LHFPL3: variants seen among roughly 807,000 people sequenced by gnomAD.
LHFPL3 encodes LHFPL tetraspan subfamily member 3.
In LHFPL3, 5 loss-of-function variants were observed where a neutral mutation model predicts 19.3. The observed-to-expected ratio is 0.26, with a 90% CI of 0.14 to 0.54. The LOEUF (loss-of-function observed/expected upper bound fraction) is 0.54, where lower values mean the gene tolerates loss of function less well. Among genes scored for constraint, LHFPL3 ranks in the 20% least tolerant of loss-of-function variants. The probability of loss-of-function intolerance (pLI) is 0.94; values close to 1 mark genes in which losing one functional copy is unlikely to be tolerated. For synonymous variants in LHFPL3, 133 were observed against 126.2 expected, an observed-to-expected ratio of 1.05 and a Z score of -0.36; for missense variants, 249 against 307.4, an observed-to-expected ratio of 0.81 and a Z score of 1.42.
At chr7:104,775,646 A>G (rs568918180) in intron 2 of LHFPL3, among the ~76,000 whole-genome samples, 20 of 152,328 alleles carry the variant, frequency 1.3e-4, no homozygotes, top group African/African-American at 4.1e-4. Context: ...ACTGAAGAAA[A>G]TGATTTAAAA....
At chr7:104,412,885 T>G (rs1791557944) in intron 1 of LHFPL3, among the ~76,000 whole-genome samples, 1 of 152,180 alleles carries the variant, frequency 6.6e-6, no homozygotes, top group Non-Finnish European at 1.5e-5. Flanking sequence ...CTTTCACTAG[T>G]GAGTACCATA....
At chr7:104,827,081 G>T (rs1250428850) in intron 2 of LHFPL3, among the ~76,000 whole-genome samples, 1 of 151,916 alleles carries the variant, frequency 6.6e-6, no homozygotes, top group African/African-American at 2.4e-5. Flanking sequence ...CTAGAACTTT[G>T]ATTATCGTTT....
At chr7:104,625,789 C>T (rs1439644939) in intron 1 of LHFPL3, among the ~76,000 whole-genome samples, 1 of 152,164 alleles carries the variant, frequency 6.6e-6, no homozygotes, top group Admixed American at 6.6e-5. Context: ...AATTTTTTAA[C>T]TCTTCCTTGG....
chr7:104,785,556 A>T (rs1319350008), intron 2 of LHFPL3, among the ~76,000 whole-genome samples: 2 of 152,328 alleles, frequency 1.3e-5, no homozygotes, highest in East Asian at 3.9e-4. Context: ...AAGTTCTCCA[A>T]TGGGAATAAA....
At chr7:104,628,851 T>C (rs1328489240) in intron 1 of LHFPL3, among the ~76,000 whole-genome samples, 1 of 152,234 alleles carries the variant, frequency 6.6e-6, no homozygotes, top group East Asian at 1.9e-4. Flanking sequence ...ATTTAGGCTA[T>C]AATTTTTGGA....
chr7:104,668,460 C>G (rs567548537), intron 1 of LHFPL3: 1 of 1,611,560 alleles, frequency 6.2e-7, no homozygotes, highest in Non-Finnish European at 8.5e-7. Flanking sequence ...GGATGGGTAT[C>G]GGGATGGCCC....
intron 1 of LHFPL3, among the ~76,000 whole-genome samples, chr7:104,610,448 A>G (rs1791191108): frequency 6.6e-6 from 1 of 152,124 alleles, no homozygotes; most frequent in African/African-American, 2.4e-5. Context: ...TGGCTTACAC[A>G]ATCATGGAGG....
At chr7:104,500,073 T>G (rs41026) in intron 1 of LHFPL3, among the ~76,000 whole-genome samples, 25,219 of 152,138 alleles carry the variant, frequency 0.17, 4,489 homozygotes, top group African/African-American at 0.45. Context: ...TGATGTGATG[T>G]CTGTTTCCAG....
intron 2 of LHFPL3, among the ~76,000 whole-genome samples, chr7:104,755,732 G>A (rs768894571): frequency 2.6e-5 from 4 of 152,194 alleles, no homozygotes; most frequent in Non-Finnish European, 5.9e-5. Flanking sequence ...TTTCACTCTT[G>A]TTGCCCAGGC....
intron 1 of LHFPL3, among the ~76,000 whole-genome samples, chr7:104,631,076 G>A (rs1175133312): frequency 3.3e-5 from 5 of 152,078 alleles, no homozygotes; most frequent in African/African-American, 1.2e-4. Flanking sequence ...TCACAAGAAG[G>A]TGTCTGATCT....
intron 1 of LHFPL3, among the ~76,000 whole-genome samples, chr7:104,441,366 A>AATAT (rs1792220731): frequency 6.6e-6 from 1 of 152,158 alleles, no homozygotes; most frequent in Non-Finnish European, 1.5e-5. Context: ...CATTTAGCAT[A>AATAT]ATATCCTTCA....
chr7:104,705,916 A>T (rs1244217191), intron 1 of LHFPL3, among the ~76,000 whole-genome samples: 1 of 151,704 alleles, frequency 6.6e-6, no homozygotes, highest in Non-Finnish European at 1.5e-5. Context: ...TACTTGTCAG[A>T]CCCCCTCCAG....
chr7:104,559,890 AG>A (rs776030921), intron 1 of LHFPL3, among the ~76,000 whole-genome samples: 1 of 135,418 alleles, frequency 7.4e-6, no homozygotes, highest in African/African-American at 3.5e-5. Context: ...TTTAGCATGA[AG>A]GTTGTTGAAT....
chr7:104,489,834 T>C (rs914497703), intron 1 of LHFPL3, among the ~76,000 whole-genome samples: 2 of 152,206 alleles, frequency 1.3e-5, no homozygotes, highest in African/African-American at 4.8e-5. Flanking sequence ...GGAAGTTTTG[T>C]GGAGGATCAG....
chr7:104,769,485 T>C (rs934616782), intron 2 of LHFPL3, among the ~76,000 whole-genome samples: 16 of 152,190 alleles, frequency 1.1e-4, no homozygotes, highest in Admixed American at 2.6e-4. Flanking sequence ...ATACTTTAAG[T>C]TCTGGGGTAC....
intron 2 of LHFPL3, among the ~76,000 whole-genome samples, chr7:104,902,960 T>G (rs902659117): frequency 6.6e-6 from 1 of 152,136 alleles, no homozygotes; most frequent in African/African-American, 2.4e-5. Context: ...GAGAAAGTTT[T>G]GTGAAACTGG....
rs115737872 is a variant in LHFPL3 at position 104,765,699 on chromosome 7, G to A, written c.682+28788G>A. ...ATTCTAACTTTCTGCAAGATACTCC[G>A]TTGTTTCTCCCATGATGACCTTGTA... is the stretch of plus-strand genomic sequence containing the variant. On this transcript the variant is annotated intron_variant, in intron 2 of 2. Coordinates refer to ENST00000424859, the MANE Select transcript of LHFPL3 (RefSeq NM_199000.3). 8.0e-3 allele frequency among the ~76,000 whole-genome samples: 1,212 copies of A among 152,310 alleles called. 16 individuals are homozygous for A. The highest frequency in any genetic ancestry group is 0.027 in the African/African-American group (1,122 of 41,554).
intron 1 of LHFPL3, among the ~76,000 whole-genome samples, chr7:104,398,749 G>T (rs1182129831): frequency 6.6e-6 from 1 of 152,134 alleles, no homozygotes; most frequent in Admixed American, 6.6e-5. Context: ...GAGCTACCTG[G>T]ACAGCTGCCG....
At chr7:104,668,457 T>C (rs1792403427) in intron 1 of LHFPL3, 11 of 1,611,494 alleles carry the variant, frequency 6.8e-6, no homozygotes, top group Non-Finnish European at 9.3e-6. Flanking sequence ...TCGGGATGGG[T>C]ATCGGGATGG....
Sources: gnomAD v4.1 joint callset for allele counts (sites outside exome capture counted in the v4.1 genomes callset) on GRCh38, gnomAD v4.1.1 for gene constraint, MANE v1.5 for transcripts, NCBI Gene and HGNC (gene_info 2026-07-23, HGNC 2026-07-21) for gene names.